MCTP2: variants seen among roughly 807,000 people sequenced by gnomAD.
MCTP2 encodes the protein multiple C2 and transmembrane domain containing 2, also known as multiple C2 and transmembrane domain-containing protein 2.
In MCTP2, 132 loss-of-function variants were observed where a neutral mutation model predicts 111.6. The ratio of observed to expected loss-of-function variants is 1.18; its 90% CI spans 1.03 to 1.37. MCTP2 has a LOEUF of 1.37. Among genes scored for constraint, MCTP2 ranks in the 40% most tolerant of loss-of-function variants. MCTP2 has a pLI of 0.00. For synonymous variants in MCTP2, 395 were observed against 387.7 expected, an observed-to-expected ratio of 1.02 and a Z score of -0.22; for missense variants, 1,183 against 1,067.9, an observed-to-expected ratio of 1.11 and a Z score of -1.50.
intron 14 of MCTP2, among the ~76,000 whole-genome samples, chr15:94,390,128 A>ATG (rs1425481834): frequency 2.5e-4 from 16 of 64,714 alleles, no homozygotes; most frequent in East Asian, 6.2e-4. Flanking sequence ...ATATATATAT[A>ATG]TATACTTAGA....
Position 94,419,953 on chromosome 15 carries a change from A to G in MCTP2, c.2085+17934A>G, listed in dbSNP as rs140906085. The stretch of plus-strand genomic sequence containing the variant: ...AGAAGATGCCATCTAGGACTTCCAT[A>G]GCTACAGAAAATGCTTTACTTTAAA... On this transcript the variant is annotated intron_variant, in intron 17 of 22. Transcript: ENST00000357742. 6.2e-4 allele frequency among the ~76,000 whole-genome samples: 94 copies of G among 152,278 alleles called. 3 individuals carry two copies. In the East Asian group the frequency reaches 0.015, roughly 25 times the overall value.
Position 94,479,094 on chromosome 15 carries a change from T to A in MCTP2, c.*60T>A. On this transcript the variant is annotated 3_prime_UTR_variant, in exon 23 of 23. Transcript: ENST00000357742. ...TTGTGTTTGGTTGAGTAGACCAATG[T>A]TATGGCTGTTTCAGTGGTACCCAAG... 1 of 1,519,998 alleles carries A rather than the reference T, an allele frequency of 6.6e-7. No homozygotes were observed. The highest frequency in any genetic ancestry group is 9.1e-7 in the Non-Finnish European group (1 of 1,095,478). The allele number at this position is 1,519,998 out of a possible 1,614,324, so 94.2% of individuals were successfully genotyped here. A position where few individuals can be genotyped will look rare whatever the true frequency, so the allele number is the denominator to read the frequency against.
chr15:94,389,746 G>A (rs1347223533), intron 14 of MCTP2, among the ~76,000 whole-genome samples: 1 of 152,056 alleles, frequency 6.6e-6, no homozygotes, highest in Non-Finnish European at 1.5e-5. Flanking sequence ...TGTATTTCTT[G>A]AAGAGGAATG....
At chr15:94,464,096 CTCTG>C (rs1317750370) in intron 20 of MCTP2, among the ~76,000 whole-genome samples, 1 of 150,476 alleles carries the variant, frequency 6.6e-6, no homozygotes, top group African/African-American at 2.4e-5. Context: ...CAGGTAGGTT[CTCTG>C]TCTTTTTTCT....
chr15:94,426,471 C>T (rs559878513), intron 17 of MCTP2, among the ~76,000 whole-genome samples: 151 of 152,188 alleles, frequency 9.9e-4, no homozygotes, highest in African/African-American at 3.4e-3. Flanking sequence ...ATCACAAATT[C>T]TCTCTTTTGC....
chr15:94,309,947 T>C (rs1160921483), intron 2 of MCTP2, among the ~76,000 whole-genome samples: 1 of 152,242 alleles, frequency 6.6e-6, no homozygotes, highest in African/African-American at 2.4e-5. Context: ...ATGTTAATGC[T>C]GTGTTTCTGA....
chr15:94,448,194 T>C (rs372275681), intron 19 of MCTP2, among the ~76,000 whole-genome samples: 1 of 152,332 alleles, frequency 6.6e-6, no homozygotes, highest in South Asian at 2.1e-4. Context: ...TTTGACTTGA[T>C]AACCTTTAGA....
At chr15:94,461,491 A>G (rs767538611) in intron 20 of MCTP2, among the ~76,000 whole-genome samples, 7 of 152,134 alleles carry the variant, frequency 4.6e-5, no homozygotes, top group Admixed American at 1.3e-4. Flanking sequence ...AAAACCATGC[A>G]GCATTTATGC....
At chr15:94,433,878 G>C (rs1305904556) in intron 17 of MCTP2, among the ~76,000 whole-genome samples, 1 of 152,076 alleles carries the variant, frequency 6.6e-6, no homozygotes. Flanking sequence ...CTATGTGTTT[G>C]TAGGTATTAA....
chr15:94,282,483 C>T (rs1412840230), intron 1 of MCTP2, among the ~76,000 whole-genome samples: 1 of 152,158 alleles, frequency 6.6e-6, no homozygotes, highest in African/African-American at 2.4e-5. Context: ...CAGCCTTCTC[C>T]TATATCTTGA....
intron 1 of MCTP2, among the ~76,000 whole-genome samples, chr15:94,287,857 G>A (rs943978614): frequency 5.9e-5 from 9 of 152,134 alleles, no homozygotes; most frequent in Admixed American, 2.6e-4. Flanking sequence ...TGTTAGCAGT[G>A]GATCTCAGAA....
chr15:94,365,664 A>C (rs1214697776), intron 10 of MCTP2, among the ~76,000 whole-genome samples: 2 of 152,150 alleles, frequency 1.3e-5, no homozygotes, highest in Non-Finnish European at 2.9e-5. Context: ...TCCAAGAAAA[A>C]TTTTAGTAGC....
chr15:94,451,052 G>C (rs998857132), intron 19 of MCTP2, among the ~76,000 whole-genome samples: 1 of 152,090 alleles, frequency 6.6e-6, no homozygotes, highest in Non-Finnish European at 1.5e-5. Flanking sequence ...GATTTGCCCT[G>C]ATTTTTAAAA....
intron 4 of MCTP2, among the ~76,000 whole-genome samples, chr15:94,328,270 A>G (rs1204787665): frequency 6.6e-6 from 1 of 151,624 alleles, no homozygotes; most frequent in Non-Finnish European, 1.5e-5. Flanking sequence ...CTGGGACTAC[A>G]GGTGCCCGCC....
intron 17 of MCTP2, among the ~76,000 whole-genome samples, chr15:94,419,399 G>A (rs368429842): frequency 2.0e-5 from 3 of 152,064 alleles, no homozygotes; most frequent in East Asian, 1.9e-4. Flanking sequence ...TTATGGTACC[G>A]AGAGCATGAC....
intron 1 of MCTP2, among the ~76,000 whole-genome samples, chr15:94,291,315 A>C (rs2152325743): frequency 6.6e-6 from 1 of 152,294 alleles, no homozygotes; most frequent in Middle Eastern, 3.4e-3. Flanking sequence ...AAAATAATGA[A>C]AGTGAGGCCG....
At chr15:94,298,990 T>TCTCC (rs2075451708) in intron 2 of MCTP2, among the ~76,000 whole-genome samples, 6 of 56,436 alleles carry the variant, frequency 1.1e-4, no homozygotes, top group Admixed American at 2.1e-4. Flanking sequence ...TCCCTCTCCC[T>TCTCC]CTCTCCCTCT....
At chr15:94,415,204 C>T (rs1436616031) in intron 17 of MCTP2, among the ~76,000 whole-genome samples, 4 of 152,126 alleles carry the variant, frequency 2.6e-5, no homozygotes, top group Admixed American at 2.6e-4. Flanking sequence ...ATTGCTCAGA[C>T]ACTTCCTTAA....
intron 4 of MCTP2, among the ~76,000 whole-genome samples, chr15:94,329,064 C>T (rs572396987): frequency 2.6e-5 from 4 of 152,222 alleles, no homozygotes; most frequent in South Asian, 2.1e-4. Flanking sequence ...GCAGAAGCTG[C>T]GTCATCTTTT....
Sources: allele counts gnomAD v4.1 joint callset (sites outside exome capture counted in the v4.1 genomes callset), GRCh38; gene constraint gnomAD v4.1.1; transcripts MANE v1.5; gene names NCBI Gene and HGNC (gene_info 2026-07-23, HGNC 2026-07-21).